The following ST6GALNAC3 variants were observed in gnomAD, a reference collection of about 807,000 sequenced individuals.
The protein encoded by ST6GALNAC3 is ST6 N-acetylgalactosaminide alpha-2,6-sialyltransferase 3, also known as alpha-N-acetylgalactosaminide alpha-2,6-sialyltransferase 3.
In ST6GALNAC3, 25 loss-of-function variants were observed where a neutral mutation model predicts 32.7. The observed-to-expected ratio is 0.76, with a 90% confidence interval of 0.56 to 1.07. The LOEUF is 1.07. Ranked by LOEUF, ST6GALNAC3 falls within the 50% of genes least tolerant of loss-of-function variation. The pLI, the probability that ST6GALNAC3 is intolerant of heterozygous loss-of-function variation, is 0.00. For missense variants in ST6GALNAC3, 355 were observed against 382.4 expected (o/e 0.93, Z 0.60); for synonymous variants, 129 against 133.1 (o/e 0.97, Z 0.21).
intron 3 of ST6GALNAC3, among the ~76,000 whole-genome samples, chr1:76,525,502 G>A (rs183302031): frequency 9.2e-5 from 14 of 151,482 alleles, no homozygotes; most frequent in Non-Finnish European, 1.5e-4. Context: ...GAAGTGAATC[G>A]ATGATATAGA....
chr1:76,582,930 A>G (rs574851066), intron 3 of ST6GALNAC3, among the ~76,000 whole-genome samples: 2 of 152,322 alleles, frequency 1.3e-5, no homozygotes, highest in South Asian at 4.1e-4. Context: ...ACTAAATTTG[A>G]ACCCATGTAC....
At chr1:76,089,787 CAG>C (rs1198990837) in intron 1 of ST6GALNAC3, among the ~76,000 whole-genome samples, 1 of 152,162 alleles carries the variant, frequency 6.6e-6, no homozygotes, top group African/African-American at 2.4e-5. Context: ...CACTATATAG[CAG>C]CTGTCTGTGA....
At chr1:76,206,711 G>A (rs561334215) in intron 1 of ST6GALNAC3, among the ~76,000 whole-genome samples, 2 of 151,766 alleles carry the variant, frequency 1.3e-5, no homozygotes, top group South Asian at 2.1e-4. Flanking sequence ...CCAGCCTGGC[G>A]ATAGAGCGAG....
intron 2 of ST6GALNAC3, among the ~76,000 whole-genome samples, chr1:76,363,772 A>T (rs1184744766): frequency 6.6e-6 from 1 of 152,184 alleles, no homozygotes; most frequent in Non-Finnish European, 1.5e-5. Context: ...ATCATGGCGG[A>T]AAGCAAAAAG....
At chr1:76,251,419 C>T (rs933254075) in intron 1 of ST6GALNAC3, among the ~76,000 whole-genome samples, 7 of 152,104 alleles carry the variant, frequency 4.6e-5, no homozygotes, top group South Asian at 4.1e-4. Context: ...AGAATAAGGT[C>T]GAAATCTTTG....
Position 76,441,280 on chromosome 1 carries a change from C to T in ST6GALNAC3, c.623+28863C>T, listed in dbSNP as rs567550864. ...AGCATATATTATATTACTTATGTAACGTGTAGTTTATTACCTACATTATCT... is the reference window on the plus strand; with the variant it reads ...AGCATATATTATATTACTTATGTAATGTGTAGTTTATTACCTACATTATCT... On this transcript the variant is annotated intron_variant, in intron 3 of 4. Coordinates refer to ENST00000328299, the MANE Select transcript of ST6GALNAC3 (RefSeq NM_152996.4). 9.9e-5 allele frequency among the ~76,000 whole-genome samples: 15 copies of T among 151,992 alleles called. No individual in the cohort carries two copies. The South Asian group carries it at 1.9e-3, about 19-fold the overall frequency.
intron 1 of ST6GALNAC3, among the ~76,000 whole-genome samples, chr1:76,143,865 G>A (rs564715822): frequency 6.6e-6 from 1 of 152,122 alleles, no homozygotes; most frequent in Admixed American, 6.5e-5. Flanking sequence ...TGGAGTTATG[G>A]GGAACAGTGG....
At chr1:76,363,632 A>G (rs1368444863) in intron 2 of ST6GALNAC3, among the ~76,000 whole-genome samples, 1 of 152,218 alleles carries the variant, frequency 6.6e-6, no homozygotes, top group Non-Finnish European at 1.5e-5. Flanking sequence ...TTGTGCTACT[A>G]TAAAGTAATA....
At chr1:76,463,613 G>A (rs1571313855) in intron 3 of ST6GALNAC3, among the ~76,000 whole-genome samples, 1 of 152,244 alleles carries the variant, frequency 6.6e-6, no homozygotes. Context: ...GCCAATTGTT[G>A]TACCCTGGGG....
intron 1 of ST6GALNAC3, among the ~76,000 whole-genome samples, chr1:76,298,989 A>C (rs897567988): frequency 6.6e-6 from 1 of 152,076 alleles, no homozygotes; most frequent in African/African-American, 2.4e-5. Flanking sequence ...TTTACTCAGG[A>C]AGAAAAGGCT....
At chr1:76,280,394 T>TA (rs1327608537) in intron 1 of ST6GALNAC3, among the ~76,000 whole-genome samples, 2 of 152,226 alleles carry the variant, frequency 1.3e-5, no homozygotes, top group Non-Finnish European at 2.9e-5. Context: ...ACTAGTCCTT[T>TA]CCAGTTCGGG....
At chr1:76,151,376 A>G (rs945172529) in intron 1 of ST6GALNAC3, among the ~76,000 whole-genome samples, 2 of 152,196 alleles carry the variant, frequency 1.3e-5, no homozygotes, top group African/African-American at 4.8e-5. Flanking sequence ...GGCGTGGCTT[A>G]AAGATATAAG....
intron 3 of ST6GALNAC3, among the ~76,000 whole-genome samples, chr1:76,607,399 A>G (rs1205726381): frequency 6.6e-6 from 1 of 152,136 alleles, no homozygotes; most frequent in Non-Finnish European, 1.5e-5. Context: ...ATCCCCTTAC[A>G]CTGGGGATGA....
chr1:76,614,908 G>T (rs1161130525), intron 3 of ST6GALNAC3, among the ~76,000 whole-genome samples: 1 of 151,982 alleles, frequency 6.6e-6, no homozygotes. Context: ...GGGGGTAGGG[G>T]CTAGGGTTCC....
Position 76,525,787 on chromosome 1 carries a change from GTGTGTATA to G in ST6GALNAC3, c.624-101663_624-101656del, listed in dbSNP as rs1381714329. On this transcript the variant is annotated intron_variant, in intron 3 of 4. Transcript: ENST00000328299. Reference sequence around the variant, plus strand: ...TATGTGTGTTTGTGTGTGTGTGTGTGTGTGTATATATATATATATATATATATATATAT... The same window carrying G: ...TATGTGTGTTTGTGTGTGTGTGTGTGTATATATATATATATATATATATAT... Among the ~76,000 whole-genome samples, 66 of 71,418 alleles carry G rather than the reference GTGTGTATA, an allele frequency of 9.2e-4. 1 individual carries two copies. The highest frequency in any genetic ancestry group is 7.6e-3 in the Admixed American group (48 of 6,342). 46.9% of individuals were successfully genotyped at this position (71,418 alleles called of 152,430 possible). A position where few individuals can be genotyped will look rare whatever the true frequency, so the allele number is the denominator to read the frequency against.
chr1:76,122,793 T>C (rs1570067666), intron 1 of ST6GALNAC3, among the ~76,000 whole-genome samples: 1 of 152,062 alleles, frequency 6.6e-6, no homozygotes, highest in East Asian at 1.9e-4. Flanking sequence ...CAGGAACAGG[T>C]AGCATCATTT....
At chr1:76,174,207 T>C (rs991843965) in intron 1 of ST6GALNAC3, among the ~76,000 whole-genome samples, 2 of 151,778 alleles carry the variant, frequency 1.3e-5, no homozygotes, top group African/African-American at 4.8e-5. Flanking sequence ...CTCAACAAAC[T>C]AACACAGGAA....
At chr1:76,616,866 T>A (rs998755092) in intron 3 of ST6GALNAC3, among the ~76,000 whole-genome samples, 1 of 152,180 alleles carries the variant, frequency 6.6e-6, no homozygotes, top group African/African-American at 2.4e-5. Flanking sequence ...AAAGTGGCAA[T>A]AGCTTCAAAT....
chr1:76,602,426 G>C (rs1357671159), intron 3 of ST6GALNAC3, among the ~76,000 whole-genome samples: 1 of 152,094 alleles, frequency 6.6e-6, no homozygotes, highest in Non-Finnish European at 1.5e-5. Flanking sequence ...TCTAAGGAGG[G>C]ACCAGGAAGG....
Sources: allele counts gnomAD v4.1 joint callset (sites outside exome capture counted in the v4.1 genomes callset), GRCh38; gene constraint gnomAD v4.1.1; transcripts MANE v1.5; gene names NCBI Gene and HGNC (gene_info 2026-07-23, HGNC 2026-07-21).